Variants in NUP42 observed in about 807,000 individuals in gnomAD.
NUP42 encodes nucleoporin NUP42.
In NUP42, 47 loss-of-function variants were observed where a neutral mutation model predicts 35.9. The observed-to-expected ratio is 1.31, with a 90% CI of 1.04 to 1.67. NUP42 has a LOEUF of 1.67. NUP42 is among the 40% of genes most tolerant of loss of function. The pLI is 0.00. For synonymous variants in NUP42, 173 were observed against 173.3 expected (o/e 1.00, Z 0.01); for missense variants, 514 against 492.2 (o/e 1.04, Z -0.42).
chr7:23,185,040 A>T, intron 1 of NUP42, 30 bp from the exon 2 acceptor site: 1 of 1,549,116 alleles, frequency 6.5e-7, no homozygotes, highest in Non-Finnish European at 8.8e-7. Flanking sequence ...AGTTGCTAGT[A>T]AAATTATTTT....
chr7:23,192,721 A>T (rs1785843580), intron 3 of NUP42, among the ~76,000 whole-genome samples: 1 of 151,928 alleles, frequency 6.6e-6, no homozygotes, highest in South Asian at 2.1e-4. Flanking sequence ...GCGGAAGAAA[A>T]TCCCTGTACA....
rs764628696 is a variant in NUP42, at chr7:23,199,513, G to A, written c.665G>A (p.Ser222Asn). 13 of 1,613,888 alleles carry A rather than the reference G, an allele frequency of 8.1e-6. No homozygotes were observed. The highest frequency in any genetic ancestry group is 1.1e-5 in the Non-Finnish European group (13 of 1,179,970). Residue 222 changes from serine to asparagine, a missense_variant, in exon 6 of 7, where the codon AGC becomes AAC. Ser to Asn is a conservative substitution (Grantham distance 46). Transcript: ENST00000258742. ...GCAGCACCTGCATTTGGATTTGGCA[G>A]CAGTCAAGCAGCAACATTTATGTCG... The part of the protein sequence containing the change: ...NQAAPAFGFG[S>N]SQAATFMSPG...
intron 5 of NUP42, chr7:23,198,170 C>G (rs1786080507): frequency 6.6e-6 from 1 of 151,600 alleles, no homozygotes; most frequent in African/African-American, 2.4e-5. Flanking sequence ...TCACTTGAAC[C>G]CAGGAGAGGT....
At chr7:23,198,917 T>A (rs1786110216) in intron 5 of NUP42, among the ~76,000 whole-genome samples, 1 of 152,218 alleles carries the variant, frequency 6.6e-6, no homozygotes, top group Admixed American at 6.5e-5. Flanking sequence ...TAAAAAAGCA[T>A]AAATAAAATT....
intron 3 of NUP42, chr7:23,188,269 T>C: frequency 8.1e-7 from 1 of 1,230,970 alleles, no homozygotes; most frequent in Non-Finnish European, 1.0e-6. Flanking sequence ...TTAACAAATA[T>C]TTACTGAATT....
At chr7:23,189,103 CA>C (rs1430078906) in intron 3 of NUP42, among the ~76,000 whole-genome samples, 3 of 152,132 alleles carry the variant, frequency 2.0e-5, no homozygotes, top group Non-Finnish European at 4.4e-5. Context: ...TGTAATTGTT[CA>C]AGTTGGACTG....
chr7:23,200,455 G>C lies in NUP42; in HGVS notation c.982G>C (p.Val328Leu). ...TCCAGCTTCCTTGGCAACAGGTCCT[G>C]TCAGAGCTCCAGTGGCCCCAGCCTT... is the stretch of plus-strand genomic sequence containing the variant. ...GLPASLATGP[V>L]RAPVAPAFGG... is the part of the protein sequence containing the mutation. Residue 328 changes from valine (V) to leucine (L), a missense_variant, in exon 7 of 7, where the codon GTC becomes CTC. By Grantham distance (32) the Val-to-Leu change is conservative (BLOSUM62 1). Coordinates refer to ENST00000258742, the MANE Select transcript of NUP42 (RefSeq NM_007342.3). 3.7e-6 allele frequency: 6 copies of C among 1,614,214 alleles called. No homozygotes were observed. Among genetic ancestry groups the C allele is most frequent in the Non-Finnish European group, 5.1e-6 (6 of 1,180,046 alleles).
chr7:23,194,143 C>T (rs1208575307), intron 3 of NUP42, among the ~76,000 whole-genome samples: 1 of 152,184 alleles, frequency 6.6e-6, no homozygotes, highest in African/African-American at 2.4e-5. Context: ...GGAGCCAGCT[C>T]AGGCCTTGGC....
chr7:23,192,110 GT>G (rs1232172059), intron 3 of NUP42, among the ~76,000 whole-genome samples: 2 of 152,136 alleles, frequency 1.3e-5, no homozygotes, highest in African/African-American at 4.8e-5. Flanking sequence ...CATATTTCTT[GT>G]TTATGTATAC....
In NUP42 at chr7:23,200,168, G is replaced by C; in HGVS notation, c.695G>C (p.Gly232Ala). ...SSQAATFMSP[G>A]FPVNNSSSDN... ...TTTTTGTTGTTGTTGTTGTTTGTAGGCTTTCCAGTCAATAACAGCAGCAGT... is the reference window on the plus strand; with the variant it reads ...TTTTTGTTGTTGTTGTTGTTTGTAGCCTTTCCAGTCAATAACAGCAGCAGT... Residue 232 changes from glycine (G) to alanine (A), a missense_variant and splice_region_variant, in exon 7 of 7, where the codon GGC becomes GCC. Gly to Ala is a moderately conservative substitution (Grantham distance 60). Coordinates refer to ENST00000258742, the MANE Select transcript of NUP42 (RefSeq NM_007342.3). 1.9e-6 allele frequency: 3 copies of C among 1,546,414 alleles called. No homozygotes were observed. The highest frequency in any genetic ancestry group is 2.6e-6 in the Non-Finnish European group (3 of 1,144,704).
intron 3 of NUP42, among the ~76,000 whole-genome samples, chr7:23,193,922 G>A (rs780151670): frequency 2.0e-5 from 3 of 152,254 alleles, no homozygotes; most frequent in African/African-American, 4.8e-5. Context: ...GCGCAGCGCC[G>A]GTGGGCCGGC....
intron 3 of NUP42, among the ~76,000 whole-genome samples, chr7:23,192,907 C>T (rs967162487): frequency 6.6e-6 from 1 of 152,214 alleles, no homozygotes; most frequent in African/African-American, 2.4e-5. Context: ...AATGAAGCCA[C>T]GGACCCTCGC....
At chr7:23,191,662 T>A (rs1478993198) in intron 3 of NUP42, among the ~76,000 whole-genome samples, 1 of 152,242 alleles carries the variant, frequency 6.6e-6, no homozygotes, top group Non-Finnish European at 1.5e-5. Context: ...ATTTTTTGCC[T>A]TTCTTAGTAA....
intron 3 of NUP42, among the ~76,000 whole-genome samples, chr7:23,193,346 C>G (rs947136337): frequency 2.0e-5 from 3 of 152,142 alleles, no homozygotes; most frequent in Non-Finnish European, 2.9e-5. Flanking sequence ...GTTCATTTTA[C>G]AGAGAGCCAA....
At chr7:23,182,847 G>A (rs1162464704) in intron 1 of NUP42, among the ~76,000 whole-genome samples, 1 of 150,840 alleles carries the variant, frequency 6.6e-6, no homozygotes, top group Non-Finnish European at 1.5e-5. Flanking sequence ...CCGGGAGGTG[G>A]AGGTTGCAGT....
intron 3 of NUP42, among the ~76,000 whole-genome samples, chr7:23,191,712 G>A (rs1315811428): frequency 3.3e-5 from 5 of 152,194 alleles, no homozygotes; most frequent in African/African-American, 1.2e-4. Context: ...TGGGCCAGAT[G>A]TGGTGGCTCA....
intron 1 of NUP42, among the ~76,000 whole-genome samples, chr7:23,184,640 T>C (rs1274260706): frequency 6.6e-6 from 1 of 152,230 alleles, no homozygotes; most frequent in African/African-American, 2.4e-5. Context: ...AAAATGAGTT[T>C]AAATGTAGTG....
intron 4 of NUP42, 155 bp from the exon 5 acceptor site, chr7:23,196,525 T>C (rs1364526103): frequency 1.0e-5 from 6 of 579,398 alleles, no homozygotes; most frequent in Non-Finnish European, 1.8e-5. Context: ...CTTTGACAAA[T>C]AGGCCAAGTC....
intron 1 of NUP42, among the ~76,000 whole-genome samples, chr7:23,183,729 A>G (rs549712389): frequency 6.7e-6 from 1 of 148,300 alleles, no homozygotes; most frequent in African/African-American, 2.5e-5. Flanking sequence ...TTCTGGAATT[A>G]TAAGTATGAA....
Sources: allele counts gnomAD v4.1 joint callset (sites outside exome capture counted in the v4.1 genomes callset), GRCh38; gene constraint gnomAD v4.1.1; transcripts MANE v1.5; gene names NCBI Gene and HGNC (gene_info 2026-07-23, HGNC 2026-07-21).